Variants in LTBP1 observed in about 807,000 individuals in gnomAD.
LTBP1 encodes the protein latent transforming growth factor beta binding protein 1.
LTBP1 carries 129 observed loss-of-function variants against 207.6 expected under a neutral mutation model. The ratio of observed to expected loss-of-function variants is 0.62; its 90% CI spans 0.54 to 0.72. The LOEUF (loss-of-function observed/expected upper bound fraction) is 0.72. Ranked by LOEUF, LTBP1 falls within the 30% of genes least tolerant of loss-of-function variation. LTBP1 has a pLI of 0.00. For synonymous variants in LTBP1, 963 were observed against 833.7 expected (o/e 1.16, Z -2.67); for missense variants, 2,281 against 2,217.2 (o/e 1.03, Z -0.58).
chr2:33,240,508 A>G (rs1313779553), intron 9 of LTBP1, among the ~76,000 whole-genome samples: 1 of 152,186 alleles, frequency 6.6e-6, no homozygotes, highest in African/African-American at 2.4e-5. Flanking sequence ...TCACTTAGGC[A>G]GTTGCTCCTG....
At chr2:33,298,833 A>G (rs559351110) in intron 20 of LTBP1, among the ~76,000 whole-genome samples, 80 of 152,198 alleles carry the variant, frequency 5.3e-4, no homozygotes, top group Non-Finnish European at 6.6e-4. Flanking sequence ...CAAATTTTTG[A>G]ACTCCAATTA....
In LTBP1 at chr2:33,368,801, C is replaced by T. The variant is rs151273476; in HGVS notation, c.4711+3298C>T. The stretch of plus-strand genomic sequence containing the variant: ...TTGAGGTGGGAGGATGGCTTCAGCC[C>T]GGGAGGCAGAGGTTGCAGTGGGCCA... On this transcript the variant is annotated intron_variant, in intron 31 of 33. Transcript: ENST00000404816. 5.4e-3 allele frequency among the ~76,000 whole-genome samples: 814 copies of T among 152,062 alleles called. 7 individuals carry two copies. The highest frequency in any genetic ancestry group is 0.019 in the African/African-American group (768 of 41,466).
intron 3 of LTBP1, among the ~76,000 whole-genome samples, chr2:33,044,986 T>G (rs2076378165): frequency 6.6e-6 from 1 of 152,198 alleles, no homozygotes; most frequent in Non-Finnish European, 1.5e-5. Context: ...GTAAATTTGT[T>G]TAAGTTCTTT....
chr2:33,261,712 T>C (rs1221651085), intron 13 of LTBP1, among the ~76,000 whole-genome samples: 2 of 152,166 alleles, frequency 1.3e-5, no homozygotes, highest in Non-Finnish European at 2.9e-5. Flanking sequence ...TGGATGGTTT[T>C]GGAAGGGTAG....
chr2:33,356,364 A>T (rs1232643143), intron 26 of LTBP1, among the ~76,000 whole-genome samples: 2 of 152,274 alleles, frequency 1.3e-5, no homozygotes, highest in East Asian at 3.9e-4. Flanking sequence ...GATAAAACAG[A>T]TGTTAAGTTT....
intron 5 of LTBP1, among the ~76,000 whole-genome samples, chr2:33,137,062 T>G (rs1365231615): frequency 6.6e-6 from 1 of 152,208 alleles, no homozygotes; most frequent in African/African-American, 2.4e-5. Context: ...ATTGGATAGT[T>G]TGAGGGACAA....
rs879714056 is a variant in LTBP1, at chr2:33,078,857, C to CTTTTTTTTTTTTT, written c.864-31721_864-31720insTTTTTTTTTTTTT. The stretch of plus-strand genomic sequence containing the variant: ...CTTCTCTTCTGTTTTCTTTTCTTTT[C>CTTTTTTTTTTTTT]TTTTCTTTTTTTTTTTTTTTGAGAC... On this transcript the variant is annotated intron_variant, in intron 3 of 33. Coordinates refer to ENST00000404816, the MANE Select transcript of LTBP1 (RefSeq NM_206943.4). 2.4e-3 allele frequency among the ~76,000 whole-genome samples: 223 copies of CTTTTTTTTTTTTT among 92,116 alleles called. 4 individuals carry two copies. Among genetic ancestry groups the CTTTTTTTTTTTTT allele is most frequent in the East Asian group, 5.7e-3 (12 of 2,110 alleles). 60.4% of individuals were successfully genotyped at this position (92,116 alleles called of 152,430 possible).
In LTBP1 at chr2:33,365,235, A is replaced by T. The variant is rs897461897; in HGVS notation, c.4541-98A>T. 6.7e-6 allele frequency: 7 copies of T among 1,038,760 alleles called. No homozygotes were observed. The African/African-American group carries it at 9.5e-5, about 14-fold the overall frequency. The allele number at this position is 1,038,760 out of a possible 1,614,324, so 64.3% of individuals were successfully genotyped here. A position where few individuals can be genotyped will look rare whatever the true frequency, so the allele number is the denominator to read the frequency against. On this transcript the variant is annotated intron_variant, in intron 30 of 33. Transcript: ENST00000404816. The stretch of plus-strand genomic sequence containing the variant: ...CTTTTACTTGGAAGTCACTCTTAGA[A>T]ATAGAGATGGAAACTTTGAGACTTG...
chr2:33,210,723 G>A (rs1339389377), intron 7 of LTBP1, among the ~76,000 whole-genome samples: 2 of 152,118 alleles, frequency 1.3e-5, no homozygotes, highest in Non-Finnish European at 2.9e-5. Flanking sequence ...GTATTGACCT[G>A]CCTTCCCCTG....
intron 2 of LTBP1, among the ~76,000 whole-genome samples, chr2:33,009,895 G>A (rs1049315440): frequency 3.3e-5 from 5 of 152,316 alleles, no homozygotes; most frequent in Middle Eastern, 3.4e-3. Context: ...ACCGTTGGAT[G>A]TGGAAATCTG....
At position 33,393,033 on chromosome 2, in the gene LTBP1, A is replaced by G. The variant is rs191788339; in HGVS notation, c.4834+3727A>G. Among the ~76,000 whole-genome samples, 325 of 149,004 alleles carry G rather than the reference A, an allele frequency of 2.2e-3. 1 individual carries two copies. Among genetic ancestry groups the G allele is most frequent in the African/African-American group, 7.5e-3 (306 of 40,802 alleles). The stretch of plus-strand genomic sequence containing the variant: ...GGGCCTGCCATGGATGTATTACTCA[A>G]TTTTTTTTTTATGGTACAAATTTTT... On this transcript the variant is annotated intron_variant, in intron 32 of 33. Coordinates refer to ENST00000404816, the MANE Select transcript of LTBP1 (RefSeq NM_206943.4).
chr2:33,288,635 C>A (rs1252207919), intron 19 of LTBP1, among the ~76,000 whole-genome samples: 1 of 152,078 alleles, frequency 6.6e-6, no homozygotes, highest in Non-Finnish European at 1.5e-5. Context: ...GCGGGCAGAT[C>A]ACAAGGTCAG....
At chr2:33,052,993 G>A (rs2076820158) in intron 3 of LTBP1, among the ~76,000 whole-genome samples, 1 of 151,916 alleles carries the variant, frequency 6.6e-6, no homozygotes. Flanking sequence ...TCTTGCGTCA[G>A]CCTCCCGAGT....
At chr2:33,061,798 C>G (rs1335715974) in intron 3 of LTBP1, among the ~76,000 whole-genome samples, 1 of 152,058 alleles carries the variant, frequency 6.6e-6, no homozygotes, top group African/African-American at 2.4e-5. Flanking sequence ...TGGACATATG[C>G]TTTCAATTCT....
intron 5 of LTBP1, among the ~76,000 whole-genome samples, chr2:33,136,826 T>C (rs147246754): frequency 6.6e-6 from 1 of 152,296 alleles, no homozygotes; most frequent in African/African-American, 2.4e-5. Context: ...AGAATATACA[T>C]AGCCTACTCA....
intron 3 of LTBP1, among the ~76,000 whole-genome samples, chr2:33,079,016 G>A (rs777485004): frequency 1.6e-4 from 24 of 151,654 alleles, no homozygotes; most frequent in Middle Eastern, 3.4e-3. Flanking sequence ...ACACCACCAC[G>A]CCCAGCTAAT....
chr2:33,355,787 C>T (rs1010628822), intron 26 of LTBP1, among the ~76,000 whole-genome samples: 1 of 152,156 alleles, frequency 6.6e-6, no homozygotes, highest in African/African-American at 2.4e-5. Context: ...GCAGCCTTCC[C>T]TGATAGCCTT....
chr2:32,998,569 G>A (rs530894307), intron 2 of LTBP1, among the ~76,000 whole-genome samples: 5 of 129,018 alleles, frequency 3.9e-5, no homozygotes, highest in Admixed American at 8.0e-5. Context: ...CTGAATGTTT[G>A]TGTTGCAAAA....
chr2:33,122,844 C>CT (rs1249246743), intron 4 of LTBP1, among the ~76,000 whole-genome samples: 7 of 152,160 alleles, frequency 4.6e-5, no homozygotes, highest in Admixed American at 4.6e-4. Flanking sequence ...CTTGAGACGT[C>CT]TATCTCCTTC....
Sources: allele counts gnomAD v4.1 joint callset (sites outside exome capture counted in the v4.1 genomes callset), GRCh38; gene constraint gnomAD v4.1.1; transcripts MANE v1.5; gene names NCBI Gene and HGNC (gene_info 2026-07-23, HGNC 2026-07-21).